Variants in RASGRF1 observed in about 807,000 individuals in gnomAD.
RASGRF1 encodes the protein Ras protein specific guanine nucleotide releasing factor 1, also known as ras-specific guanine nucleotide-releasing factor 1.
RASGRF1 carries 40 observed loss-of-function variants against 138.7 expected under a neutral mutation model. That is an observed-to-expected ratio of 0.29 (90% CI 0.22 to 0.38). RASGRF1 has a LOEUF of 0.38. RASGRF1 is among the 10% of genes least tolerant of loss of function. RASGRF1 has a pLI of 1.00. For missense variants in RASGRF1, 1,108 were observed against 1,650.4 expected (o/e 0.67, Z 5.69); for synonymous variants, 614 against 663.2 (o/e 0.93, Z 1.14).
chr15:78,991,346 G>A (rs1468265091), intron 21 of RASGRF1, among the ~76,000 whole-genome samples: 1 of 152,182 alleles, frequency 6.6e-6, no homozygotes, highest in Non-Finnish European at 1.5e-5. Context: ...GAGGTCACTG[G>A]ACCTACACAC....
intron 26 of RASGRF1, among the ~76,000 whole-genome samples, chr15:78,962,598 T>G (rs1355073812): frequency 6.6e-6 from 1 of 152,208 alleles, no homozygotes; most frequent in East Asian, 1.9e-4. Context: ...AAAAGTTTCA[T>G]AAGGCTGGGC....
chr15:79,088,462 T>A (rs1211504040), intron 1 of RASGRF1, among the ~76,000 whole-genome samples: 1 of 152,240 alleles, frequency 6.6e-6, no homozygotes, highest in African/African-American at 2.4e-5. Flanking sequence ...TTCAGCAAGT[T>A]AACTGAAGTC....
chr15:79,038,290 G>C (rs1320194144), intron 5 of RASGRF1, among the ~76,000 whole-genome samples: 1 of 152,216 alleles, frequency 6.6e-6, no homozygotes, highest in Non-Finnish European at 1.5e-5. Flanking sequence ...GGATGGACCA[G>C]GGAGGAAATG....
chr15:79,001,651 G>A lies in RASGRF1; in HGVS notation c.2575+11C>T, dbSNP rs1477677669. On this transcript the variant is annotated intron_variant, in intron 16 of 26. Coordinates refer to ENST00000558480, the MANE Select transcript of RASGRF1 (RefSeq NM_001145648.3). ...GAAATCTATTTGTGGTTTTGAATTG[G>A]TGCATTGTACCTGAAGAATTTTTGT... is the stretch of plus-strand genomic sequence containing the variant. 6.2e-7 allele frequency: 1 copy of A among 1,612,794 alleles called. No individual in the cohort carries two copies. The highest frequency in any genetic ancestry group is 1.3e-5 in the African/African-American group (1 of 74,864).
chr15:78,971,795 A>G, intron 26 of RASGRF1, 71 bp downstream of exon 26: 2 of 1,370,704 alleles, frequency 1.5e-6, no homozygotes, highest in Non-Finnish European at 1.0e-6. Flanking sequence ...TATGGAGGGG[A>G]CAGGGTGGAA....
At chr15:79,041,200 C>T (rs144562551) in intron 5 of RASGRF1, among the ~76,000 whole-genome samples, 24 of 152,306 alleles carry the variant, frequency 1.6e-4, no homozygotes, top group African/African-American at 5.8e-4. Context: ...GTAATATAGC[C>T]ACACTCATTT....
rs780470253 is a variant in RASGRF1 at position 78,973,492 on chromosome 15, C to T, written c.3495-72G>A. 13 of 1,143,316 alleles carry T rather than the reference C, an allele frequency of 1.1e-5. No homozygotes were observed. The highest frequency in any genetic ancestry group is 2.0e-4 in the Middle Eastern group (1 of 5,020). The allele number at this position is 1,143,316 out of a possible 1,614,324, so 70.8% of individuals were successfully genotyped here. On this transcript the variant is annotated intron_variant, in intron 24 of 26. Coordinates refer to ENST00000558480, the MANE Select transcript of RASGRF1 (RefSeq NM_001145648.3). The surrounding 1 kb of genome is among the most constrained non-coding windows in gnomAD (Gnocchi z 4.9). ...AACGTCTACCAAGAACAGAACATCC[C>T]GCATGCACCTTTTGCTTTGCTAGAG... is the stretch of plus-strand genomic sequence containing the variant.
intron 3 of RASGRF1, among the ~76,000 whole-genome samples, chr15:79,057,151 G>A (rs1004600279): frequency 6.6e-6 from 1 of 152,244 alleles, no homozygotes; most frequent in Non-Finnish European, 1.5e-5. Flanking sequence ...CTCAGCAGAT[G>A]CCTGGGCATA....
intron 22 of RASGRF1, among the ~76,000 whole-genome samples, chr15:78,987,717 AAAAAAC>A (rs2056189325): frequency 6.6e-6 from 1 of 152,026 alleles, no homozygotes; most frequent in Non-Finnish European, 1.5e-5. Context: ...AACAAAACAA[AAAAAAC>A]CAAAAAACCC....
intron 1 of RASGRF1, among the ~76,000 whole-genome samples, chr15:79,085,378 T>G (rs957709356): frequency 5.3e-5 from 8 of 152,156 alleles, no homozygotes; most frequent in Admixed American, 5.2e-4. Flanking sequence ...GGCTCTGGGT[T>G]AGAGGGGCCA....
intron 1 of RASGRF1, among the ~76,000 whole-genome samples, chr15:79,089,706 C>G (rs1013086791): frequency 6.6e-6 from 1 of 152,242 alleles, no homozygotes; most frequent in Admixed American, 6.5e-5. Flanking sequence ...GAGGAGCTAG[C>G]GCAGACCGCT....
In RASGRF1 at chr15:78,999,725, G is replaced by A; in HGVS notation, c.2746+18C>T. ...TGACCATGGGGAGGACCCTGTGAGT[G>A]GAGAACACCCCACATACCTGCACTG... On this transcript the variant is annotated intron_variant, in intron 17 of 26. Coordinates refer to ENST00000558480, the MANE Select transcript of RASGRF1 (RefSeq NM_001145648.3). 1 of 1,610,152 alleles carries A rather than the reference G, an allele frequency of 6.2e-7. No individual in the cohort carries two copies. The highest frequency in any genetic ancestry group is 8.5e-7 in the Non-Finnish European group (1 of 1,177,630).
At chr15:78,991,605 G>C (rs2056268527) in intron 21 of RASGRF1, 86 bp downstream of exon 21, 2 of 1,114,870 alleles carry the variant, frequency 1.8e-6, no homozygotes, top group Non-Finnish European at 2.7e-6. Context: ...TGCAGCTCTG[G>C]AAATTCACTG....
intron 1 of RASGRF1, among the ~76,000 whole-genome samples, chr15:79,069,033 C>G (rs1042191649): frequency 6.6e-6 from 1 of 152,174 alleles, no homozygotes; most frequent in African/African-American, 2.4e-5. Context: ...CCATCCTTCC[C>G]CTCACCTACA....
At chr15:78,979,230 A>G in intron 24 of RASGRF1, 1 of 1,226,968 alleles carries the variant, frequency 8.2e-7, no homozygotes, top group South Asian at 1.4e-5. Flanking sequence ...CAAAGTGGAG[A>G]TGGTCAAGGC....
chr15:78,986,183 C>A (rs751988970), intron 22 of RASGRF1, among the ~76,000 whole-genome samples: 2 of 152,028 alleles, frequency 1.3e-5, no homozygotes, highest in African/African-American at 4.8e-5. Flanking sequence ...CATCACCTGG[C>A]CAAACATGAC....
In RASGRF1 at chr15:79,002,757, C is replaced by T. The variant is rs148313347; in HGVS notation, c.2450-970G>A. Among the ~76,000 whole-genome samples the T allele has an allele frequency of 9.2e-5, 14 of 152,324 alleles. No homozygotes were observed. In the East Asian group the frequency reaches 1.5e-3, roughly 17 times the overall value. ...CATCACCCATTAACTGCATGTGCCA[C>T]GGTGAGTGTTACTTGGTATGGAGCC... On this transcript the variant is annotated intron_variant, in intron 15 of 26. Coordinates refer to ENST00000558480, the MANE Select transcript of RASGRF1 (RefSeq NM_001145648.3).
In RASGRF1 at chr15:79,090,623, C is replaced by T. The variant is rs956177583; in HGVS notation, c.-125G>A. The T allele has an allele frequency of 5.3e-5, 71 of 1,327,150 alleles. No individual in the cohort carries two copies. The highest frequency in any genetic ancestry group is 7.3e-5 in the Non-Finnish European group (71 of 968,064). 82.2% of individuals were successfully genotyped at this position (1,327,150 alleles called of 1,614,324 possible). Reference sequence around the variant, plus strand: ...CGCTCGCTCCCTCTAGCTCTCCCCTCCCCCCAAATATCTACACTCCAGGAT... The same window carrying T: ...CGCTCGCTCCCTCTAGCTCTCCCCTTCCCCCAAATATCTACACTCCAGGAT... On this transcript the variant is annotated 5_prime_UTR_variant, in exon 1 of 27. Coordinates refer to ENST00000558480, the MANE Select transcript of RASGRF1 (RefSeq NM_001145648.3).
intron 7 of RASGRF1, 86 bp from the exon 8 acceptor site, chr15:79,031,595 C>A (rs2057137740): frequency 7.1e-6 from 3 of 421,258 alleles, no homozygotes; most frequent in Middle Eastern, 4.7e-4. Context: ...AGGGAGTGAG[C>A]AAGAGAGAGA....
Sources: gnomAD v4.1 joint callset for allele counts (sites outside exome capture counted in the v4.1 genomes callset) on GRCh38, gnomAD v4.1.1 for gene constraint, Gnocchi (gnomAD v3.1) non-coding constraint, MANE v1.5 for transcripts, NCBI Gene and HGNC (gene_info 2026-07-23, HGNC 2026-07-21) for gene names.